The following FHIT variants were observed in gnomAD, a reference collection of about 807,000 sequenced individuals.
The protein encoded by FHIT is bis(5'-adenosyl)-triphosphatase.
In FHIT, 19 loss-of-function variants were observed where a neutral mutation model predicts 17.9. The ratio of observed to expected loss-of-function variants is 1.06; its 90% CI spans 0.74 to 1.56. The LOEUF (loss-of-function observed/expected upper bound fraction) is 1.56, where lower values mean the gene tolerates loss of function less well. Among genes scored for constraint, FHIT ranks in the 40% most tolerant of loss-of-function variants. The probability of loss-of-function intolerance (pLI) is 0.00; values close to 1 mark genes in which losing one functional copy is unlikely to be tolerated. For synonymous variants in FHIT, 81 were observed against 69.7 expected (o/e 1.16, Z -0.81); for missense variants, 248 against 189.2 (o/e 1.31, Z -1.82).
intron 5 of FHIT, among the ~76,000 whole-genome samples, chr3:60,068,417 C>G (rs1014518421): frequency 1.3e-5 from 2 of 152,092 alleles, no homozygotes; most frequent in African/African-American, 4.8e-5. Context: ...ATCTTGAGAA[C>G]AAGAAAAGAG....
intron 8 of FHIT, among the ~76,000 whole-genome samples, chr3:59,805,547 T>C (rs1700163419): frequency 6.6e-6 from 1 of 152,202 alleles, no homozygotes; most frequent in Non-Finnish European, 1.5e-5. Flanking sequence ...CAAAACTCTG[T>C]GCTAAGTGTC....
chr3:59,752,190 G>T, intron 9 of FHIT, 31 bp downstream of exon 9: 2 of 1,509,576 alleles, frequency 1.3e-6, no homozygotes, highest in Middle Eastern at 1.7e-4. Flanking sequence ...CCCACGGGAG[G>T]GTCTGGGTAA....
chr3:60,489,729 G>A (rs1186361793), intron 5 of FHIT, among the ~76,000 whole-genome samples: 1 of 152,138 alleles, frequency 6.6e-6, no homozygotes, highest in African/African-American at 2.4e-5. Flanking sequence ...AATTTTTGGG[G>A]ATCTCTGCCT....
chr3:61,166,310 C>A (rs1196058515), intron 2 of FHIT, among the ~76,000 whole-genome samples: 2 of 152,148 alleles, frequency 1.3e-5, no homozygotes, highest in Non-Finnish European at 2.9e-5. Context: ...ATCTGAAGAG[C>A]CAGACTTGAA....
chr3:60,828,720 A>G (rs2106804233), intron 3 of FHIT, among the ~76,000 whole-genome samples: 1 of 152,278 alleles, frequency 6.6e-6, no homozygotes, highest in East Asian at 1.9e-4. Flanking sequence ...TCTACTAAAA[A>G]TACAAAAATT....
chr3:60,635,048 C>T (rs6764332), intron 4 of FHIT, among the ~76,000 whole-genome samples: 36,047 of 152,024 alleles, frequency 0.24, 4,436 homozygotes, highest in Admixed American at 0.28. Context: ...TAAAAGATTT[C>T]AATTGAAAAA....
chr3:60,539,542 C>T (rs546883282), intron 4 of FHIT, among the ~76,000 whole-genome samples: 19 of 152,270 alleles, frequency 1.2e-4, no homozygotes, highest in African/African-American at 4.6e-4. Flanking sequence ...TGGAACCAAC[C>T]CAAATGTCCA....
At chr3:60,101,595 T>C (rs1576101790) in intron 5 of FHIT, among the ~76,000 whole-genome samples, 1 of 152,372 alleles carries the variant, frequency 6.6e-6, no homozygotes, top group South Asian at 2.1e-4. Flanking sequence ...TCTTTACGTA[T>C]TGACTTACTT....
Position 60,095,724 on chromosome 3 carries a change from T to C in FHIT, c.104-81572A>G, listed in dbSNP as rs141487442. On this transcript the variant is annotated intron_variant, in intron 5 of 9. Transcript: ENST00000492590. The stretch of plus-strand genomic sequence containing the variant: ...TAAAGAATCAAACATAAATCAGATC[T>C]CTCACAGGCTGAGAAAAGGCAAAAC... Among the ~76,000 whole-genome samples the C allele has an allele frequency of 7.6e-4, 115 of 152,302 alleles. 1 individual carries two copies. Among genetic ancestry groups the C allele is most frequent in the African/African-American group, 2.6e-3 (109 of 41,576 alleles).
chr3:60,817,637 G>T lies in FHIT; in HGVS notation c.-18+4282C>A, dbSNP rs868928846. On this transcript the variant is annotated intron_variant, in intron 4 of 9. Transcript: ENST00000492590. The stretch of plus-strand genomic sequence containing the variant: ...AAAGCATTGTTCCACCAAAGATACC[G>T]TGCCATTTTTCTCTGGCTACTATCA... Among the ~76,000 whole-genome samples, 3 of 151,700 alleles carry T rather than the reference G, an allele frequency of 2.0e-5. No homozygotes were observed. The South Asian group carries it at 6.2e-4, about 32-fold the overall frequency.
chr3:60,648,319 A>G (rs782395774), intron 4 of FHIT, among the ~76,000 whole-genome samples: 24 of 152,220 alleles, frequency 1.6e-4, no homozygotes, highest in Non-Finnish European at 2.5e-4. Flanking sequence ...TTAGAGCCCA[A>G]TTACCTGTGT....
chr3:60,864,172 A>G (rs565092380), intron 3 of FHIT, among the ~76,000 whole-genome samples: 2 of 152,282 alleles, frequency 1.3e-5, no homozygotes, highest in Admixed American at 6.5e-5. Flanking sequence ...CCATGATTCA[A>G]TTACCTCCTA....
chr3:60,984,078 G>A (rs945724659), intron 3 of FHIT, among the ~76,000 whole-genome samples: 23 of 152,160 alleles, frequency 1.5e-4, no homozygotes, highest in Admixed American at 2.0e-4. Context: ...AGAAATCAGC[G>A]TCTGTGGATC....
chr3:60,238,447 CA>C (rs374701930), intron 5 of FHIT, among the ~76,000 whole-genome samples: 5,443 of 117,444 alleles, frequency 0.046, 98 homozygotes, highest in Middle Eastern at 0.099. Flanking sequence ...CTGTACTAAG[CA>C]AAAAAAAAAA....
rs373162731 is a variant in FHIT at position 61,077,969 on chromosome 3, C to T, written c.-163-35870G>A. On this transcript the variant is annotated intron_variant, in intron 2 of 9. Transcript: ENST00000492590. ...AGCCATAGGAGGCTGCCACAATAGC[C>T]CACGGAAAACACCTCTTTATAAAGG... Among the ~76,000 whole-genome samples the T allele has an allele frequency of 2.0e-5, 3 of 152,184 alleles. No individual in the cohort carries two copies. The East Asian group carries it at 5.8e-4, about 29-fold the overall frequency.
At chr3:61,147,207 TATTA>T (rs1040250117) in intron 2 of FHIT, among the ~76,000 whole-genome samples, 3 of 152,002 alleles carry the variant, frequency 2.0e-5, no homozygotes, top group Non-Finnish European at 4.4e-5. Flanking sequence ...GACAGAAATG[TATTA>T]ATTAAGTCTC....
At chr3:60,365,706 C>T (rs1249788409) in intron 5 of FHIT, among the ~76,000 whole-genome samples, 1 of 152,148 alleles carries the variant, frequency 6.6e-6, no homozygotes, top group African/African-American at 2.4e-5. Context: ...GATTTAACAT[C>T]AGTGTTACGT....
At position 60,849,441 on chromosome 3, in the gene FHIT, A is replaced by AATATATATATAT. The variant is rs10662932; in HGVS notation, c.-110-27442_-110-27431dup. ...AGGACTTTTGTTAATACAAAAATGA[A>AATATATATATAT]ATATATATATATATATATATATAAA... is the stretch of plus-strand genomic sequence containing the variant. On this transcript the variant is annotated intron_variant, in intron 3 of 9. Coordinates refer to ENST00000492590, the MANE Select transcript of FHIT (RefSeq NM_002012.4). Among the ~76,000 whole-genome samples the AATATATATATAT allele has an allele frequency of 1.2e-3, 166 of 137,680 alleles. 1 individual carries two copies. The highest frequency in any genetic ancestry group is 4.1e-3 in the African/African-American group (148 of 36,404). The allele number at this position is 137,680 out of a possible 152,430, so 90.3% of individuals were successfully genotyped here. A position where few individuals can be genotyped will look rare whatever the true frequency, so the allele number is the denominator to read the frequency against.
intron 5 of FHIT, among the ~76,000 whole-genome samples, chr3:60,097,290 G>T (rs564101803): frequency 6.6e-6 from 1 of 152,180 alleles, no homozygotes; most frequent in East Asian, 1.9e-4. Flanking sequence ...TAGTAGGAAG[G>T]GGGAGCTTTA....
Sources: allele counts gnomAD v4.1 joint callset (sites outside exome capture counted in the v4.1 genomes callset), GRCh38; gene constraint gnomAD v4.1.1; transcripts MANE v1.5; gene names NCBI Gene and HGNC (gene_info 2026-07-23, HGNC 2026-07-21).